Variants in ELMO1 observed in about 807,000 individuals in gnomAD.
ELMO1 encodes the protein engulfment and cell motility protein 1.
In ELMO1, 26 loss-of-function variants were observed where a neutral mutation model predicts 98.9. The ratio of observed to expected loss-of-function variants is 0.26; its 90% CI spans 0.19 to 0.36. The LOEUF is 0.36. ELMO1 is among the 10% of genes least tolerant of loss of function. The pLI is 1.00. For missense variants in ELMO1, 627 were observed against 935.2 expected (o/e 0.67, Z 4.30); for synonymous variants, 346 against 346.0 (o/e 1.00, Z 0.00).
chr7:37,262,715 G>T (rs1172269825), intron 5 of ELMO1, among the ~76,000 whole-genome samples: 1 of 152,226 alleles, frequency 6.6e-6, no homozygotes, highest in Non-Finnish European at 1.5e-5. Context: ...AGGAGGGGAG[G>T]ACTGTGGCAA....
intron 9 of ELMO1, among the ~76,000 whole-genome samples, chr7:37,224,057 G>C (rs1158306815): frequency 1.3e-5 from 2 of 152,178 alleles, no homozygotes; most frequent in Admixed American, 1.3e-4. Context: ...GGACTCCGGG[G>C]AAGCTATGGT....
At chr7:36,896,820 G>A (rs865803516) in intron 16 of ELMO1, among the ~76,000 whole-genome samples, 2 of 152,054 alleles carry the variant, frequency 1.3e-5, no homozygotes, top group South Asian at 2.1e-4. Flanking sequence ...ATCATATGAC[G>A]GGCACCATAG....
chr7:37,332,711 T>C (rs1013829090), intron 2 of ELMO1, among the ~76,000 whole-genome samples: 3 of 152,312 alleles, frequency 2.0e-5, no homozygotes, highest in Admixed American at 2.0e-4. Flanking sequence ...GATGGTGGCG[T>C]TGGGGAACTC....
chr7:37,226,841 C>T (rs996555315), intron 8 of ELMO1, among the ~76,000 whole-genome samples: 1 of 152,082 alleles, frequency 6.6e-6, no homozygotes, highest in Non-Finnish European at 1.5e-5. Context: ...ACATGCATTG[C>T]GTGTGTACTA....
At chr7:37,020,714 G>C (rs1288665998) in intron 15 of ELMO1, among the ~76,000 whole-genome samples, 2 of 152,114 alleles carry the variant, frequency 1.3e-5, no homozygotes, top group Non-Finnish European at 2.9e-5. Context: ...GGGAGCACTG[G>C]GCAAATATGA....
chr7:37,041,631 G>A (rs1223817420), intron 15 of ELMO1, among the ~76,000 whole-genome samples: 1 of 152,098 alleles, frequency 6.6e-6, no homozygotes. Flanking sequence ...TCACATACGT[G>A]TAAAATAAAT....
chr7:37,401,750 T>A (rs1401168609), intron 1 of ELMO1, among the ~76,000 whole-genome samples: 1 of 152,026 alleles, frequency 6.6e-6, no homozygotes, highest in African/African-American at 2.4e-5. Flanking sequence ...AATTACCTCC[T>A]AGTAGGTCCC....
chr7:36,945,795 G>T (rs901578101), intron 16 of ELMO1, among the ~76,000 whole-genome samples: 8 of 152,208 alleles, frequency 5.3e-5, no homozygotes, highest in Admixed American at 2.0e-4. Flanking sequence ...GTGGCACACA[G>T]TCTAGAGTGA....
intron 15 of ELMO1, among the ~76,000 whole-genome samples, chr7:37,081,657 A>G (rs1797872429): frequency 6.6e-6 from 1 of 152,182 alleles, no homozygotes; most frequent in Admixed American, 6.5e-5. Flanking sequence ...CTGCCAGGTA[A>G]GACGTGCCTT....
At chr7:36,974,810 G>A (rs979144706) in intron 16 of ELMO1, among the ~76,000 whole-genome samples, 6 of 152,254 alleles carry the variant, frequency 3.9e-5, no homozygotes, top group Admixed American at 1.3e-4. Context: ...AACACTCACC[G>A]CGAAGGTCTG....
intron 14 of ELMO1, among the ~76,000 whole-genome samples, chr7:37,123,289 G>A (rs951689660): frequency 1.1e-4 from 16 of 152,034 alleles, no homozygotes; most frequent in African/African-American, 3.4e-4. Context: ...TAAGATCAGA[G>A]CAGAACTGAA....
intron 15 of ELMO1, among the ~76,000 whole-genome samples, chr7:37,084,992 T>A (rs1178490812): frequency 6.6e-6 from 1 of 151,994 alleles, no homozygotes; most frequent in African/African-American, 2.4e-5. Flanking sequence ...CCTGACCTCA[T>A]GTAATCTGCC....
At position 36,875,440 on chromosome 7, in the gene ELMO1, T is replaced by C. The variant is rs1038758774; in HGVS notation, c.1822+2570A>G. Among the ~76,000 whole-genome samples the C allele has an allele frequency of 3.3e-5, 5 of 152,038 alleles. No homozygotes were observed. In the East Asian group the frequency reaches 9.6e-4, roughly 29 times the overall value. ...AGGTGTGGATAAATACTTGTGCAGA[T>C]AAATAGATCCACACAAGTATGCATT... On this transcript the variant is annotated intron_variant, in intron 19 of 21. Coordinates refer to ENST00000310758, the MANE Select transcript of ELMO1 (RefSeq NM_014800.11).
intron 18 of ELMO1, 38 bp from the exon 19 acceptor site, chr7:36,878,155 G>A (rs774525224): frequency 2.0e-6 from 3 of 1,511,666 alleles, no homozygotes; most frequent in African/African-American, 1.4e-5. Context: ...GTAAGTGATT[G>A]TGGTTTATCA....
At chr7:37,444,882 G>C (rs1176735142) in intron 1 of ELMO1, among the ~76,000 whole-genome samples, 1 of 152,206 alleles carries the variant, frequency 6.6e-6, no homozygotes, top group African/African-American at 2.4e-5. Flanking sequence ...TTTGGAAATA[G>C]CATCTCCTGC....
At chr7:37,284,938 A>G (rs1023223309) in intron 4 of ELMO1, among the ~76,000 whole-genome samples, 1 of 152,216 alleles carries the variant, frequency 6.6e-6, no homozygotes, top group Non-Finnish European at 1.5e-5. Context: ...GGGAAAGGAC[A>G]TTCCCTTTGG....
intron 2 of ELMO1, among the ~76,000 whole-genome samples, chr7:37,331,551 C>G (rs57853658): frequency 6.6e-6 from 1 of 151,892 alleles, no homozygotes; most frequent in African/African-American, 2.4e-5. Context: ...ACAATTTATA[C>G]CCATTTGCTT....
intron 16 of ELMO1, among the ~76,000 whole-genome samples, chr7:36,967,008 T>C (rs989965130): frequency 2.6e-5 from 4 of 152,218 alleles, no homozygotes; most frequent in Non-Finnish European, 5.9e-5. Flanking sequence ...ACGTGCTTGG[T>C]TGTAATTTAT....
intron 1 of ELMO1, among the ~76,000 whole-genome samples, chr7:37,390,245 A>G (rs1271164327): frequency 6.6e-6 from 1 of 152,252 alleles, no homozygotes; most frequent in African/African-American, 2.4e-5. Context: ...TTAACTGAGC[A>G]GGAACCCAAG....
Sources: allele counts gnomAD v4.1 joint callset (sites outside exome capture counted in the v4.1 genomes callset), GRCh38; gene constraint gnomAD v4.1.1; transcripts MANE v1.5; gene names NCBI Gene and HGNC (gene_info 2026-07-23, HGNC 2026-07-21).